Variants in EXT1 observed in about 807,000 individuals in gnomAD.
EXT1 encodes the protein exostosin-1.
EXT1 carries 20 observed loss-of-function variants against 82.5 expected under a neutral mutation model. The observed-to-expected ratio is 0.24, with a 90% CI of 0.17 to 0.35. EXT1 has a LOEUF of 0.35. Among genes scored for constraint, EXT1 ranks in the 10% least tolerant of loss-of-function variants. The pLI is 1.00. For missense variants in EXT1, 757 were observed against 936.5 expected (o/e 0.81, Z 2.50); for synonymous variants, 348 against 350.8 (o/e 0.99, Z 0.09).
chr8:117,968,220 C>T (rs1243510188), intron 1 of EXT1, among the ~76,000 whole-genome samples: 2 of 152,062 alleles, frequency 1.3e-5, no homozygotes, highest in Non-Finnish European at 2.9e-5. Flanking sequence ...ATCCTCCCAC[C>T]CCAACCTCCC....
At chr8:117,905,601 A>G (rs1813528362) in intron 1 of EXT1, among the ~76,000 whole-genome samples, 1 of 152,142 alleles carries the variant, frequency 6.6e-6, no homozygotes, top group Non-Finnish European at 1.5e-5. Context: ...TCACGAGGTC[A>G]GGAGATCGAG....
At chr8:117,886,765 A>G (rs910122896) in intron 1 of EXT1, among the ~76,000 whole-genome samples, 5 of 152,294 alleles carry the variant, frequency 3.3e-5, no homozygotes, top group Admixed American at 2.0e-4. Context: ...CCATTTGTCA[A>G]TTTCAGAAGG....
chr8:117,909,248 C>A (rs910861434), intron 1 of EXT1, among the ~76,000 whole-genome samples: 1 of 152,068 alleles, frequency 6.6e-6, no homozygotes, highest in Non-Finnish European at 1.5e-5. Context: ...CCAAATCAGG[C>A]CCTTCAGTTG....
At chr8:117,830,501 A>G in intron 3 of EXT1, 152 bp from the exon 4 acceptor site, 1 of 838,394 alleles carries the variant, frequency 1.2e-6, no homozygotes, top group East Asian at 2.7e-5. Flanking sequence ...CTAAGTTGAA[A>G]TGACCTTAAG....
intron 1 of EXT1, among the ~76,000 whole-genome samples, chr8:117,957,150 GAAGAGCCTCAA>G (rs1814604449): frequency 1.3e-5 from 2 of 152,156 alleles, no homozygotes; most frequent in Non-Finnish European, 2.9e-5. Context: ...ACAACGAGGG[GAAGAGCCTCAA>G]AAGTGCAGAG....
intron 1 of EXT1, among the ~76,000 whole-genome samples, chr8:118,000,088 C>T (rs1241597713): frequency 6.6e-6 from 1 of 152,072 alleles, no homozygotes; most frequent in Admixed American, 6.6e-5. Flanking sequence ...TTCATCCAAG[C>T]CCATGCGAGG....
chr8:117,977,398 A>AAT (rs947864669), intron 1 of EXT1, among the ~76,000 whole-genome samples: 97 of 151,660 alleles, frequency 6.4e-4, no homozygotes, highest in Non-Finnish European at 1.1e-3. Flanking sequence ...AAATAAAAAA[A>AAT]AAAAAAAAAG....
chr8:118,100,381 G>A (rs1387543563), intron 1 of EXT1, among the ~76,000 whole-genome samples: 1 of 152,116 alleles, frequency 6.6e-6, no homozygotes, highest in Non-Finnish European at 1.5e-5. Flanking sequence ...CCGGCCGAGG[G>A]AGGCTTCCCA....
Position 117,858,757 on chromosome 8 carries a change from G to GC in EXT1, c.963-21557_963-21556insG, listed in dbSNP as rs1221362224. On this transcript the variant is annotated intron_variant, in intron 1 of 10. Coordinates refer to ENST00000378204, the MANE Select transcript of EXT1 (RefSeq NM_000127.3). ...GGAAGGAAGGAAGGAAGGAAGGAAG[G>GC]AAGGAAGGAAGGCAGGCAGGCAGGC... 5.2e-3 allele frequency among the ~76,000 whole-genome samples: 589 copies of GC among 112,994 alleles called. 2 individuals are homozygous for GC. The highest frequency in any genetic ancestry group is 7.8e-3 in the Non-Finnish European group (450 of 57,800). The allele number at this position is 112,994 out of a possible 152,430, so 74.1% of individuals were successfully genotyped here. A position where few individuals can be genotyped will look rare whatever the true frequency, so the allele number is the denominator to read the frequency against.
intron 5 of EXT1, among the ~76,000 whole-genome samples, chr8:117,820,456 A>G (rs1811904259): frequency 6.6e-6 from 1 of 152,202 alleles, no homozygotes; most frequent in African/African-American, 2.4e-5. Flanking sequence ...TGGGAGGCTG[A>G]GGCGGGCAGA....
chr8:118,089,693 G>A (rs1339684253), intron 1 of EXT1, among the ~76,000 whole-genome samples: 3 of 152,172 alleles, frequency 2.0e-5, no homozygotes, highest in African/African-American at 7.2e-5. Context: ...AAAACCTTGG[G>A]TGTTCTCTAT....
chr8:117,858,231 C>G (rs370453643), intron 1 of EXT1, among the ~76,000 whole-genome samples: 1 of 152,274 alleles, frequency 6.6e-6, no homozygotes, highest in East Asian at 1.9e-4. Flanking sequence ...AGGATTGACT[C>G]CAACTTTGAA....
At chr8:117,925,581 G>A (rs1158801994) in intron 1 of EXT1, among the ~76,000 whole-genome samples, 4 of 151,498 alleles carry the variant, frequency 2.6e-5, no homozygotes, top group African/African-American at 9.7e-5. Flanking sequence ...ATAAAAACAA[G>A]AAATTGGCCA....
Position 117,835,460 on chromosome 8 carries a change from T to C in EXT1, c.1148A>G (p.Glu383Gly). 1 of 1,613,872 alleles carries C rather than the reference T, an allele frequency of 6.2e-7. No individual in the cohort carries two copies. Among genetic ancestry groups the C allele is most frequent in the Non-Finnish European group, 8.5e-7 (1 of 1,179,754 alleles). ...NWNQAAVIGD[E>G]RLLLQIPSTI... ...CTTCCTTACCTGTAATAACAATCTC[T>C]CATCGCCTATGACGGCAGCTTGGTT... The change falls in exon 3 of 11, where the codon GAG becomes GGG. Residue 383 changes from glutamate (E) to glycine (G), a missense_variant. Glu to Gly is a moderately conservative substitution (Grantham distance 98). This residue lies in a region of EXT1 where 247 missense variants were observed against 330.1 expected (regional missense o/e 0.75). Coordinates refer to ENST00000378204, the MANE Select transcript of EXT1 (RefSeq NM_000127.3).
chr8:118,056,072 T>C (rs1816789163), intron 1 of EXT1, among the ~76,000 whole-genome samples: 1 of 126,384 alleles, frequency 7.9e-6, no homozygotes, highest in Non-Finnish European at 1.8e-5. Context: ...GCTGATGAGC[T>C]AGGAAAAAAA....
intron 6 of EXT1, among the ~76,000 whole-genome samples, chr8:117,819,235 A>G (rs1304538442): frequency 6.6e-6 from 1 of 152,214 alleles, no homozygotes; most frequent in Admixed American, 6.5e-5. Context: ...CAATTTTATA[A>G]TTAGTCATAG....
chr8:117,947,955 T>G (rs1814419935), intron 1 of EXT1, among the ~76,000 whole-genome samples: 1 of 152,180 alleles, frequency 6.6e-6, no homozygotes, highest in Non-Finnish European at 1.5e-5. Context: ...TTTTCCCAAC[T>G]GCTATCAGAG....
intron 1 of EXT1, among the ~76,000 whole-genome samples, chr8:118,009,067 G>A (rs905775744): frequency 6.6e-6 from 1 of 152,168 alleles, no homozygotes; most frequent in African/African-American, 2.4e-5. Flanking sequence ...AAAATTGGGG[G>A]AAACCAACAT....
Position 118,110,361 on chromosome 8 carries a change from T to C in EXT1, c.686A>G (p.Asn229Ser), listed in dbSNP as rs753036738. Residue 229 changes from asparagine (N) to serine (S), a missense_variant, in exon 1 of 11, where the codon AAC becomes AGC. By Grantham distance (46) the Asn-to-Ser change is conservative. Coordinates refer to ENST00000378204, the MANE Select transcript of EXT1 (RefSeq NM_000127.3). ...AAAGAGGGGAATAGAAACATCAAAG[T>C]TGGGTCGGAAGTTTTCAGTACTGAT... Reference protein sequence around the residue: ...ASISTENFRPNFDVSIPLFSK... With the variant: ...ASISTENFRPSFDVSIPLFSK... 2.5e-6 allele frequency: 4 copies of C among 1,614,056 alleles called. No homozygotes were observed. The highest frequency in any genetic ancestry group is 3.3e-5 in the Admixed American group (2 of 60,004).
Sources: allele counts gnomAD v4.1 joint callset (sites outside exome capture counted in the v4.1 genomes callset), GRCh38; gene constraint gnomAD v4.1.1; regional missense constraint gnomAD v4.1.1; transcripts MANE v1.5; gene names NCBI Gene and HGNC (gene_info 2026-07-23, HGNC 2026-07-21).